PARN: variants seen among roughly 807,000 people sequenced by gnomAD.
PARN encodes poly(A)-specific ribonuclease PARN.
PARN carries 71 observed loss-of-function variants against 102.8 expected under a neutral mutation model. The observed-to-expected ratio is 0.69, with a 90% CI of 0.57 to 0.84. PARN has a LOEUF of 0.84. Among genes scored for constraint, PARN ranks in the 40% least tolerant of loss-of-function variants. PARN has a pLI of 0.00. For missense variants in PARN, 782 were observed against 760.9 expected, an observed-to-expected ratio of 1.03 and a Z score of -0.33; for synonymous variants, 261 against 252.9, an observed-to-expected ratio of 1.03 and a Z score of -0.30.
At chr16:14,498,507 C>T (rs1193227775) in intron 21 of PARN, among the ~76,000 whole-genome samples, 4 of 152,154 alleles carry the variant, frequency 2.6e-5, no homozygotes, top group Non-Finnish European at 5.9e-5. Flanking sequence ...CTCACCTCTT[C>T]CCACCTGCTA....
chr16:14,581,161 T>C (rs1323983879), intron 17 of PARN, among the ~76,000 whole-genome samples: 1 of 152,128 alleles, frequency 6.6e-6, no homozygotes, highest in Non-Finnish European at 1.5e-5. Context: ...CAAGTGATTG[T>C]CCTGCCTCAG....
chr16:14,612,746 C>T lies in PARN; in HGVS notation c.389-1937G>A, dbSNP rs373389502. 7.2e-5 allele frequency among the ~76,000 whole-genome samples: 11 copies of T among 151,858 alleles called. No homozygotes were observed. The East Asian group carries it at 8.1e-4, about 11-fold the overall frequency. On this transcript the variant is annotated intron_variant, in intron 6 of 23. Coordinates refer to ENST00000437198, the MANE Select transcript of PARN (RefSeq NM_002582.4). ...CCAAGTTGCTGGGATTACAGGCGCC[C>T]GCCACCATACCCAGCTAATTTTTGT... is the stretch of plus-strand genomic sequence containing the variant.
At chr16:14,587,937 C>T (rs908589683) in intron 13 of PARN, among the ~76,000 whole-genome samples, 3 of 152,194 alleles carry the variant, frequency 2.0e-5, no homozygotes, top group Non-Finnish European at 2.9e-5. Flanking sequence ...ACTGCTTACA[C>T]GCAATGTGTT....
intron 21 of PARN, among the ~76,000 whole-genome samples, chr16:14,490,017 G>T (rs138415356): frequency 1.1e-3 from 166 of 152,308 alleles, no homozygotes; most frequent in Non-Finnish European, 2.1e-3. Context: ...TAAATACGAA[G>T]ATTAGCCAGG....
At chr16:14,473,548 A>G (rs1181894716) in intron 22 of PARN, among the ~76,000 whole-genome samples, 1 of 152,188 alleles carries the variant, frequency 6.6e-6, no homozygotes, top group African/African-American at 2.4e-5. Flanking sequence ...TAGAACCTAG[A>G]GCAAACAAGA....
intron 21 of PARN, among the ~76,000 whole-genome samples, chr16:14,525,214 T>A (rs550406692): frequency 3.6e-4 from 55 of 152,280 alleles, no homozygotes; most frequent in African/African-American, 1.3e-3. Context: ...AGTAAATGCA[T>A]CAAAGGATAA....
At chr16:14,623,149 ATG>A (rs900628897) in intron 5 of PARN, among the ~76,000 whole-genome samples, 1 of 151,948 alleles carries the variant, frequency 6.6e-6, no homozygotes, top group African/African-American at 2.4e-5. Flanking sequence ...ATATGTCTAT[ATG>A]TATACATGTA....
intron 16 of PARN, among the ~76,000 whole-genome samples, chr16:14,583,177 A>T (rs575916429): frequency 6.6e-6 from 1 of 152,342 alleles, no homozygotes; most frequent in Admixed American, 6.5e-5. Flanking sequence ...GATAAACTAT[A>T]AGAGGAATGA....
chr16:14,472,704 G>C (rs1354728763), intron 22 of PARN, among the ~76,000 whole-genome samples: 1 of 152,148 alleles, frequency 6.6e-6, no homozygotes, highest in Non-Finnish European at 1.5e-5. Context: ...ACAGTTTTGG[G>C]ATCTAGAATT....
At chr16:14,471,061 G>A (rs1045316992) in intron 22 of PARN, among the ~76,000 whole-genome samples, 1 of 152,202 alleles carries the variant, frequency 6.6e-6, no homozygotes, top group African/African-American at 2.4e-5. Flanking sequence ...AGGATTACAG[G>A]TATGAGCTAC....
chr16:14,478,847 T>A (rs943279436), intron 22 of PARN, among the ~76,000 whole-genome samples: 26 of 152,204 alleles, frequency 1.7e-4, no homozygotes, highest in Non-Finnish European at 3.4e-4. Flanking sequence ...AATGGCGTGA[T>A]CTCGGCTCAC....
At chr16:14,617,564 TA>T in intron 6 of PARN, 25 bp downstream of exon 6, 1 of 1,153,736 alleles carries the variant, frequency 8.7e-7, no homozygotes, top group Non-Finnish European at 1.3e-6. Flanking sequence ...TTATAAGCTC[TA>T]AAGATAGGTT....
chr16:14,485,413 A>G (rs116867690), intron 21 of PARN, among the ~76,000 whole-genome samples: 1 of 152,278 alleles, frequency 6.6e-6, no homozygotes, highest in East Asian at 1.9e-4. Flanking sequence ...TGTCCCAGGA[A>G]CTATGTCAGG....
At chr16:14,611,431 T>C (rs151200860) in intron 6 of PARN, among the ~76,000 whole-genome samples, 1 of 152,322 alleles carries the variant, frequency 6.6e-6, no homozygotes, top group Non-Finnish European at 1.5e-5. Context: ...CTTACCTGCA[T>C]AATGTTTCAA....
Position 14,564,072 on chromosome 16 carries a change from C to T in PARN, c.1263-8363G>A, listed in dbSNP as rs539883559. Among the ~76,000 whole-genome samples the T allele has an allele frequency of 3.3e-5, 5 of 152,098 alleles. No individual in the cohort carries two copies. The East Asian group carries it at 7.8e-4, about 24-fold the overall frequency. On this transcript the variant is annotated intron_variant, in intron 18 of 23. Coordinates refer to ENST00000437198, the MANE Select transcript of PARN (RefSeq NM_002582.4). ...GGCCGACCCTAAGCTTCCCACTACC[C>T]GCCCTACACACGCAGGCCCTGTTCT...
chr16:14,628,884 T>G (rs999980511), intron 2 of PARN, among the ~76,000 whole-genome samples: 2 of 151,736 alleles, frequency 1.3e-5, no homozygotes, highest in Non-Finnish European at 2.9e-5. Context: ...TAGTCTTTGC[T>G]CCCCCTAAAA....
intron 6 of PARN, among the ~76,000 whole-genome samples, chr16:14,611,112 A>C (rs1438397463): frequency 6.6e-6 from 1 of 152,236 alleles, no homozygotes; most frequent in African/African-American, 2.4e-5. Context: ...ACTTCTGACA[A>C]GAAAATCAGG....
At chr16:14,621,718 G>A (rs919698120) in intron 5 of PARN, among the ~76,000 whole-genome samples, 1 of 151,998 alleles carries the variant, frequency 6.6e-6, no homozygotes, top group East Asian at 1.9e-4. Context: ...GGCTGAGGCA[G>A]GAGAATGGCG....
chr16:14,629,391 G>C (rs929292647), intron 2 of PARN, among the ~76,000 whole-genome samples: 3 of 152,220 alleles, frequency 2.0e-5, no homozygotes, highest in African/African-American at 7.2e-5. Flanking sequence ...CTGAGATCCT[G>C]AGTCCAATCA....
Sources: allele counts gnomAD v4.1 joint callset (sites outside exome capture counted in the v4.1 genomes callset), GRCh38; gene constraint gnomAD v4.1.1; transcripts MANE v1.5; gene names NCBI Gene and HGNC (gene_info 2026-07-23, HGNC 2026-07-21).